Variants in SGCD observed in about 807,000 individuals in gnomAD.
SGCD encodes sarcoglycan delta.
A neutral mutation model predicts 36.6 loss-of-function variants in SGCD; 18 were observed. The ratio of observed to expected loss-of-function variants is 0.49; its 90% CI spans 0.34 to 0.73. SGCD has a LOEUF of 0.73. Ranked by LOEUF, SGCD falls within the 30% of genes least tolerant of loss-of-function variation. The probability of loss-of-function intolerance (pLI) is 0.01; values close to 1 mark genes in which losing one functional copy is unlikely to be tolerated. For missense variants in SGCD, 387 were observed against 346.7 expected, an observed-to-expected ratio of 1.12 and a Z score of -0.92; for synonymous variants, 133 against 130.6, an observed-to-expected ratio of 1.02 and a Z score of -0.12.
chr5:156,114,758 A>G (rs775081628), intron 1 of SGCD, among the ~76,000 whole-genome samples: 1 of 152,254 alleles, frequency 6.6e-6, no homozygotes, highest in Non-Finnish European at 1.5e-5. Flanking sequence ...CCATATTTTC[A>G]TTCCTTTAAA....
chr5:156,320,022 T>C (rs182985880), intron 3 of SGCD, among the ~76,000 whole-genome samples: 1 of 152,174 alleles, frequency 6.6e-6, no homozygotes. Context: ...CTTTCACATA[T>C]CTAATAAACC....
the SGCD span, among the ~76,000 whole-genome samples, chr5:155,825,420 T>A: frequency 6.6e-6 from 1 of 152,170 alleles, no homozygotes; most frequent in Admixed American, 6.5e-5. Context: ...CGTTATATCA[T>A]CCTGGTGAGG....
chr5:156,316,526 G>A (rs1767521949), intron 3 of SGCD, among the ~76,000 whole-genome samples: 1 of 151,924 alleles, frequency 6.6e-6, no homozygotes, highest in African/African-American at 2.4e-5. Context: ...CAAAGTTGGA[G>A]GCAGCACACT....
the SGCD span, among the ~76,000 whole-genome samples, chr5:155,833,513 T>A: frequency 2.6e-5 from 4 of 152,138 alleles, no homozygotes; most frequent in Non-Finnish European, 5.9e-5. Flanking sequence ...CCCCAACAGA[T>A]GAAGACATCA....
chr5:156,124,881 A>G (rs746231688), intron 3 of SGCD, among the ~76,000 whole-genome samples: 2 of 152,092 alleles, frequency 1.3e-5, no homozygotes, highest in Admixed American at 6.6e-5. Flanking sequence ...ACTCATAACA[A>G]CCATCTGGAA....
chr5:156,340,450 C>A (rs1005423014), intron 2 of SGCD, among the ~76,000 whole-genome samples: 3 of 152,102 alleles, frequency 2.0e-5, no homozygotes, highest in African/African-American at 7.2e-5. Flanking sequence ...CATTCCTATA[C>A]CAGGAGAGCT....
At position 156,766,878 on chromosome 5, in the gene SGCD, T is replaced by C. The variant is rs901718394; in HGVS notation, c.*7488T>C. 2.6e-5 allele frequency: 4 copies of C among 152,102 alleles called. No individual in the cohort carries two copies. The highest frequency in any genetic ancestry group is 9.7e-5 in the African/African-American group (4 of 41,406). The allele number at this position is 152,102 out of a possible 1,614,324, so 9.4% of individuals were successfully genotyped here. On this transcript the variant is annotated 3_prime_UTR_variant, in exon 9 of 9. Transcript: ENST00000337851. ...GAGGTTGGGGTCCATCCCTCTCTGA[T>C]GTGCTTTTTCCACAACACATATCTG...
At chr5:156,496,714 C>T (rs1469504218) in intron 3 of SGCD, among the ~76,000 whole-genome samples, 1 of 152,104 alleles carries the variant, frequency 6.6e-6, no homozygotes, top group Non-Finnish European at 1.5e-5. Flanking sequence ...TGAGTTGACC[C>T]TGAATTGCTT....
intron 4 of SGCD, among the ~76,000 whole-genome samples, chr5:156,535,718 A>C (rs1034627879): frequency 6.6e-6 from 1 of 152,194 alleles, no homozygotes; most frequent in East Asian, 1.9e-4. Flanking sequence ...TGAATTTTAA[A>C]ATTTAAGTCA....
chr5:155,746,676 T>G, the SGCD span, among the ~76,000 whole-genome samples: 1 of 152,180 alleles, frequency 6.6e-6, no homozygotes, highest in South Asian at 2.1e-4. Flanking sequence ...TGCCCCTGTT[T>G]GTAGGAATCT....
chr5:156,073,984 G>A lies in SGCD; in HGVS notation c.-281-43894G>A, dbSNP rs114101833. On this transcript the variant is annotated intron_variant, in intron 1 of 9. Transcript: ENST00000517913. ...GGACAACCCAGCTAGGTCTTGAAGG[G>A]TGAGTAAGATTCAAGTAAATGAGTA... 3.6e-3 allele frequency among the ~76,000 whole-genome samples: 550 copies of A among 152,320 alleles called. 4 individuals carry two copies. The highest frequency in any genetic ancestry group is 0.013 in the African/African-American group (523 of 41,558).
intron 3 of SGCD, among the ~76,000 whole-genome samples, chr5:156,157,288 A>G (rs939485179): frequency 6.6e-6 from 1 of 151,894 alleles, no homozygotes; most frequent in South Asian, 2.1e-4. Context: ...CTTCACGTGC[A>G]CTATGGGCAT....
intron 7 of SGCD, among the ~76,000 whole-genome samples, chr5:156,754,035 C>T (rs1757250027): frequency 6.6e-6 from 1 of 152,206 alleles, no homozygotes; most frequent in African/African-American, 2.4e-5. Flanking sequence ...ATCATCATCT[C>T]TATTTTGTTG....
intron 3 of SGCD, among the ~76,000 whole-genome samples, chr5:156,250,324 T>A (rs949971811): frequency 6.6e-6 from 1 of 152,170 alleles, no homozygotes; most frequent in African/African-American, 2.4e-5. Flanking sequence ...CTTTTGATGA[T>A]CAATATGGAA....
At chr5:156,611,071 C>G (rs1761780217) in intron 6 of SGCD, among the ~76,000 whole-genome samples, 2 of 152,196 alleles carry the variant, frequency 1.3e-5, no homozygotes, top group African/African-American at 2.4e-5. Context: ...TCCAACAGTC[C>G]CCAGTGAGAT....
rs190899252 is a variant in SGCD, at chr5:156,754,226, T to C, written c.576-3355T>C. On this transcript the variant is annotated intron_variant, in intron 7 of 8. Coordinates refer to ENST00000337851, the MANE Select transcript of SGCD (RefSeq NM_000337.6). The stretch of plus-strand genomic sequence containing the variant: ...AGAATAAAGCGAATTCTAATGCCTG[T>C]CTGAAATGCCAGTCCTGCATCTGAT... Among the ~76,000 whole-genome samples, 360 of 152,320 alleles carry C rather than the reference T, an allele frequency of 2.4e-3. 2 individuals carry two copies. Among genetic ancestry groups the C allele is most frequent in the African/African-American group, 8.4e-3 (349 of 41,566 alleles).
At chr5:156,386,377 A>G (rs768421651) in intron 3 of SGCD, among the ~76,000 whole-genome samples, 1 of 152,234 alleles carries the variant, frequency 6.6e-6, no homozygotes, top group African/African-American at 2.4e-5. Flanking sequence ...ATATATTTAA[A>G]ATTTTAATAC....
intron 7 of SGCD, among the ~76,000 whole-genome samples, chr5:156,752,937 C>T (rs1757202805): frequency 6.6e-6 from 1 of 152,086 alleles, no homozygotes; most frequent in Non-Finnish European, 1.5e-5. Flanking sequence ...TGTCATTTTA[C>T]TTACAGCTTT....
intron 3 of SGCD, among the ~76,000 whole-genome samples, chr5:156,160,456 A>G (rs894746388): frequency 6.6e-6 from 1 of 151,666 alleles, no homozygotes; most frequent in Non-Finnish European, 1.5e-5. Context: ...AATATTCTTT[A>G]TAGTCTCAAG....
Sources: gnomAD v4.1 joint callset for allele counts (sites outside exome capture counted in the v4.1 genomes callset) on GRCh38, gnomAD v4.1.1 for gene constraint, MANE v1.5 for transcripts, NCBI Gene and HGNC (gene_info 2026-07-23, HGNC 2026-07-21) for gene names.